RHEB: variants seen among roughly 807,000 people sequenced by gnomAD.
RHEB encodes GTP-binding protein Rheb.
Under a neutral mutation model 28.8 loss-of-function variants are expected in RHEB, and 2 were observed. The ratio of observed to expected loss-of-function variants is 0.07; its 90% CI spans 0.03 to 0.22. The LOEUF is 0.22. RHEB is among the 10% of genes least tolerant of loss of function. RHEB has a pLI of 1.00. For missense variants in RHEB, 76 were observed against 219.9 expected (o/e 0.35, Z 4.14); for synonymous variants, 69 against 77.3 (o/e 0.89, Z 0.56).
intron 1 of RHEB, chr7:151,501,863 AGAG>A (rs1802778042): frequency 1.7e-6 from 1 of 602,756 alleles, no homozygotes; most frequent in Non-Finnish European, 3.2e-6. Flanking sequence ...CCCTTAGGGA[AGAG>A]GAGGCAAGAA....
At position 151,503,179 on chromosome 7, in the gene RHEB, G is replaced by T. The variant is rs910231588; in HGVS notation, c.53-12165C>A. The T allele has an allele frequency of 1.0e-5, 8 of 787,418 alleles. No homozygotes were observed. In the Admixed American group the frequency reaches 1.4e-4, roughly 14 times the overall value. 48.8% of individuals were successfully genotyped at this position (787,418 alleles called of 1,614,324 possible). ...TTTATTGCCAAGGCACAGAAAAGGA[G>T]AAAATTCTCTAACTCCAAAGCAAGA... On this transcript the variant is annotated intron_variant, in intron 1 of 7. Transcript: ENST00000262187.
At chr7:151,519,420 C>A (rs1204286466) in intron 1 of RHEB, 40 bp downstream of exon 1, 2 of 1,364,392 alleles carry the variant, frequency 1.5e-6, no homozygotes, top group Admixed American at 5.4e-5. Flanking sequence ...AGGCGAGGCC[C>A]CGGCGGCGCG....
chr7:151,502,484 G>T, intron 1 of RHEB: 1 of 898,312 alleles, frequency 1.1e-6, no homozygotes. Flanking sequence ...TGGAACAACT[G>T]TAACAGAAGA....
At chr7:151,491,141 T>A in intron 1 of RHEB, 127 bp from the exon 2 acceptor site, 1 of 631,832 alleles carries the variant, frequency 1.6e-6, no homozygotes, top group Non-Finnish European at 2.8e-6. Flanking sequence ...AAAACATTCA[T>A]TTAATTAGCA....
chr7:151,495,313 T>C (rs1008267950), intron 1 of RHEB, among the ~76,000 whole-genome samples: 1 of 152,238 alleles, frequency 6.6e-6, no homozygotes, highest in Non-Finnish European at 1.5e-5. Context: ...ACTCATTTAA[T>C]GACATAAATT....
At chr7:151,501,087 G>A (rs1475017761) in intron 1 of RHEB, among the ~76,000 whole-genome samples, 1 of 152,102 alleles carries the variant, frequency 6.6e-6, no homozygotes, top group Non-Finnish European at 1.5e-5. Context: ...AGATTCTGAG[G>A]TATAAAATCC....
intron 4 of RHEB, 188 bp from the exon 5 acceptor site, chr7:151,471,793 C>G (rs1802166140): frequency 1.9e-6 from 1 of 520,244 alleles, no homozygotes; most frequent in South Asian, 3.3e-5. Flanking sequence ...TGACACTCAG[C>G]AACCCTGACT....
In RHEB at chr7:151,468,225, G is replaced by A. The variant is rs2150918907; in HGVS notation, c.463-1014C>T. On this transcript the variant is annotated intron_variant, in intron 7 of 7. Coordinates refer to ENST00000262187, the MANE Select transcript of RHEB (RefSeq NM_005614.4). The surrounding 1 kb of genome is among the most constrained non-coding windows in gnomAD (Gnocchi z 4.3). ...TCCCAGCTCTTTCTCTAGCTATCCT[G>A]AAGCAACAATTCTCAGCCCCACAAG... 6.6e-6 allele frequency among the ~76,000 whole-genome samples: 1 copy of A among 152,280 alleles called. No homozygotes were observed. Among genetic ancestry groups the A allele is most frequent in the Admixed American group, 6.5e-5 (1 of 15,300 alleles).
intron 3 of RHEB, among the ~76,000 whole-genome samples, chr7:151,478,387 GAA>G (rs558537520): frequency 2.6e-5 from 3 of 115,548 alleles, no homozygotes; most frequent in Admixed American, 8.8e-5. Flanking sequence ...GTTCTTTAAA[GAA>G]AAAAAAAAAA....
chr7:151,469,214 A>C (rs970058480), intron 7 of RHEB, among the ~76,000 whole-genome samples: 2 of 152,234 alleles, frequency 1.3e-5, no homozygotes, highest in African/African-American at 2.4e-5. Context: ...ACATGGATTC[A>C]CTATCCCTCC....
At chr7:151,514,528 G>A (rs566107659) in intron 1 of RHEB, among the ~76,000 whole-genome samples, 11 of 152,242 alleles carry the variant, frequency 7.2e-5, no homozygotes, top group African/African-American at 1.7e-4. Flanking sequence ...AATTGTTGAC[G>A]AGAATGTGGA....
chr7:151,502,069 C>G (rs971395778), intron 1 of RHEB: 7 of 400,676 alleles, frequency 1.7e-5, no homozygotes, highest in African/African-American at 4.2e-5. Context: ...AACCCTGTCT[C>G]TACTAAAAAT....
chr7:151,512,471 TCACCAGGTCCAAACA>T (rs1195083511), intron 1 of RHEB, among the ~76,000 whole-genome samples: 76 of 152,312 alleles, frequency 5.0e-4, no homozygotes, highest in Non-Finnish European at 1.2e-4. Flanking sequence ...AGCCTCGCCA[TCACCAGGTCCAAACA>T]CAACTCATCC....
chr7:151,513,214 G>A (rs754357696), intron 1 of RHEB, among the ~76,000 whole-genome samples: 5 of 152,178 alleles, frequency 3.3e-5, no homozygotes, highest in Non-Finnish European at 7.3e-5. Flanking sequence ...AGTCATTTGA[G>A]AAGTGATCTG....
chr7:151,519,391 C>G, intron 1 of RHEB, 69 bp downstream of exon 1: 2 of 1,188,902 alleles, frequency 1.7e-6, no homozygotes, highest in Non-Finnish European at 2.1e-6. Flanking sequence ...TTCGCAGGCC[C>G]GGCCGCGACC....
intron 1 of RHEB, 61 bp from the exon 2 acceptor site, chr7:151,491,075 TG>T: frequency 8.0e-7 from 1 of 1,247,744 alleles, no homozygotes; most frequent in South Asian, 1.3e-5. Context: ...TTTTTAATTT[TG>T]CTGTTTTATT....
intron 4 of RHEB, among the ~76,000 whole-genome samples, 153 bp downstream of exon 4, chr7:151,477,180 C>A (rs112814268): frequency 1.3e-5 from 2 of 152,052 alleles, no homozygotes; most frequent in African/African-American, 4.8e-5. Context: ...GCCATGTTTC[C>A]CAGCAATCCA....
At chr7:151,501,886 C>G (rs371010778) in intron 1 of RHEB, 5 of 660,162 alleles carry the variant, frequency 7.6e-6, no homozygotes, top group Non-Finnish European at 1.4e-5. Flanking sequence ...AGATGGTGGA[C>G]GACCCCAGTG....
At chr7:151,476,277 C>A (rs1286559372) in intron 4 of RHEB, among the ~76,000 whole-genome samples, 3 of 152,198 alleles carry the variant, frequency 2.0e-5, no homozygotes, top group African/African-American at 7.2e-5. Flanking sequence ...GGAACCCAGA[C>A]ACTGGCCAAC....
Sources: allele counts gnomAD v4.1 joint callset (sites outside exome capture counted in the v4.1 genomes callset), GRCh38; gene constraint gnomAD v4.1.1; non-coding constraint Gnocchi (gnomAD v3.1); transcripts MANE v1.5; gene names NCBI Gene and HGNC (gene_info 2026-07-23, HGNC 2026-07-21).